GRID1: variants seen among roughly 807,000 people sequenced by gnomAD.
GRID1 encodes the protein glutamate receptor ionotropic, delta-1.
GRID1 carries 28 observed loss-of-function variants against 98.0 expected under a neutral mutation model. That is an observed-to-expected ratio of 0.29 (90% CI 0.21 to 0.39). The LOEUF (loss-of-function observed/expected upper bound fraction) is 0.39. Among genes scored for constraint, GRID1 ranks in the 10% least tolerant of loss-of-function variants. The pLI is 1.00. For missense variants in GRID1, 1,111 were observed against 1,340.5 expected, an observed-to-expected ratio of 0.83 and a Z score of 2.67; for synonymous variants, 553 against 538.5, an observed-to-expected ratio of 1.03 and a Z score of -0.37.
chr10:85,792,428 A>T (rs372140281), intron 8 of GRID1, among the ~76,000 whole-genome samples: 2 of 152,120 alleles, frequency 1.3e-5, no homozygotes, highest in African/African-American at 4.8e-5. Flanking sequence ...TTTTAAAATG[A>T]TTTTCACTCT....
intron 4 of GRID1, among the ~76,000 whole-genome samples, chr10:85,947,983 T>G (rs770982004): frequency 2.0e-5 from 3 of 152,228 alleles, no homozygotes; most frequent in African/African-American, 7.2e-5. Context: ...GGTATTGCTT[T>G]GCCAGGTTAA....
chr10:86,116,475 AG>A (rs1356988108), intron 4 of GRID1, among the ~76,000 whole-genome samples: 1 of 152,112 alleles, frequency 6.6e-6, no homozygotes, highest in East Asian at 1.9e-4. Flanking sequence ...AACAGCTGGA[AG>A]GATCAGGTGG....
At chr10:86,364,420 T>A (rs1848646696) in intron 1 of GRID1, among the ~76,000 whole-genome samples, 1 of 152,188 alleles carries the variant, frequency 6.6e-6, no homozygotes, top group Non-Finnish European at 1.5e-5. Flanking sequence ...CACAAGGGAC[T>A]AAGCCAAGCT....
At chr10:85,747,062 A>G (rs537929710) in intron 8 of GRID1, among the ~76,000 whole-genome samples, 2 of 152,278 alleles carry the variant, frequency 1.3e-5, no homozygotes, top group South Asian at 4.1e-4. Flanking sequence ...GAGTGTCACC[A>G]ACACTTTGTG....
chr10:85,651,080 C>A (rs1300793904), intron 12 of GRID1, among the ~76,000 whole-genome samples: 1 of 152,188 alleles, frequency 6.6e-6, no homozygotes, highest in Non-Finnish European at 1.5e-5. Flanking sequence ...TTTCCACAAC[C>A]CTCCAGGTGA....
At chr10:85,616,249 C>T (rs1842787077) in intron 14 of GRID1, among the ~76,000 whole-genome samples, 1 of 152,208 alleles carries the variant, frequency 6.6e-6, no homozygotes, top group South Asian at 2.1e-4. Flanking sequence ...CAAAGTGGTT[C>T]TTATTATGTC....
intron 8 of GRID1, among the ~76,000 whole-genome samples, chr10:85,843,674 G>T (rs890189474): frequency 1.3e-5 from 2 of 151,920 alleles, no homozygotes; most frequent in Admixed American, 6.6e-5. Flanking sequence ...TGGCAAATAG[G>T]CAAACATGCA....
intron 5 of GRID1, among the ~76,000 whole-genome samples, chr10:85,885,555 T>A (rs1271016978): frequency 3.9e-5 from 6 of 152,198 alleles, no homozygotes; most frequent in Non-Finnish European, 8.8e-5. Flanking sequence ...ACAATAAAAA[T>A]GATGATAATA....
At chr10:86,245,110 T>C (rs979563987) in intron 2 of GRID1, among the ~76,000 whole-genome samples, 2 of 152,242 alleles carry the variant, frequency 1.3e-5, no homozygotes, top group Non-Finnish European at 2.9e-5. Context: ...ACTAAGAACC[T>C]GGCCTGGTAC....
rs1023982305 is a variant in GRID1 at position 86,169,204 on chromosome 10, T to A, written c.521-30180A>T. ...GGGCCACAGTGGCCTCTGGAAACAC[T>A]GCCCTGAGATAGATAGGTGCCTTCC... On this transcript the variant is annotated intron_variant, in intron 3 of 15. Transcript: ENST00000327946. Among the ~76,000 whole-genome samples the A allele has an allele frequency of 2.6e-5, 4 of 152,190 alleles. No individual in the cohort carries two copies. The South Asian group carries it at 8.3e-4, about 31-fold the overall frequency.
intron 3 of GRID1, among the ~76,000 whole-genome samples, chr10:86,146,752 G>A (rs1193172773): frequency 6.6e-6 from 1 of 152,228 alleles, no homozygotes; most frequent in East Asian, 1.9e-4. Flanking sequence ...TCCTGGAGGA[G>A]CTCTGGGTCC....
intron 2 of GRID1, among the ~76,000 whole-genome samples, chr10:86,262,805 T>A (rs193064392): frequency 6.6e-6 from 1 of 152,276 alleles, no homozygotes; most frequent in East Asian, 1.9e-4. Flanking sequence ...GACTTCTGCG[T>A]TGTCCACACA....
intron 15 of GRID1, 45 bp from the exon 16 acceptor site, chr10:85,602,746 G>A (rs772197655): frequency 6.9e-6 from 10 of 1,445,516 alleles, no homozygotes; most frequent in Non-Finnish European, 9.5e-6. Context: ...CTAACAGTGA[G>A]TCAAGGCTGG....
In GRID1 at chr10:85,881,978, C is replaced by A. The variant is rs905086525; in HGVS notation, c.781-12798G>T. ...AGTGGGCAAAGGATATGAACAGACA[C>A]TTCTCAAAAGAAGACATTTATGCAG... is the stretch of plus-strand genomic sequence containing the variant. On this transcript the variant is annotated intron_variant, in intron 5 of 15. Transcript: ENST00000327946. 3.2e-4 allele frequency among the ~76,000 whole-genome samples: 48 copies of A among 152,134 alleles called. 2 individuals are homozygous for A. The highest frequency in any genetic ancestry group is 1.5e-5 in the Non-Finnish European group (1 of 68,024).
intron 13 of GRID1, among the ~76,000 whole-genome samples, chr10:85,636,163 C>T (rs150732292): frequency 6.6e-6 from 1 of 152,254 alleles, no homozygotes; most frequent in East Asian, 1.9e-4. Context: ...CATAAGGCCC[C>T]AGTGGAGGAA....
chr10:86,060,986 C>T (rs1185057037), intron 4 of GRID1, among the ~76,000 whole-genome samples: 1 of 152,130 alleles, frequency 6.6e-6, no homozygotes, highest in African/African-American at 2.4e-5. Context: ...GCCTCCACCC[C>T]GCAGGACTCC....
chr10:85,921,895 T>C (rs1375315032), intron 4 of GRID1, among the ~76,000 whole-genome samples: 2 of 152,206 alleles, frequency 1.3e-5, no homozygotes, highest in South Asian at 2.1e-4. Flanking sequence ...GATACTTCAA[T>C]ACAACATCTC....
chr10:85,899,360 C>T (rs1841345644), intron 5 of GRID1, among the ~76,000 whole-genome samples: 3 of 152,124 alleles, frequency 2.0e-5, no homozygotes, highest in South Asian at 2.1e-4. Context: ...TTGTGAATAG[C>T]GCTGCAATCC....
At chr10:85,879,060 A>G (rs1242375151) in intron 5 of GRID1, among the ~76,000 whole-genome samples, 1 of 152,092 alleles carries the variant, frequency 6.6e-6, no homozygotes, top group Non-Finnish European at 1.5e-5. Context: ...CAATTCAACA[A>G]GAAGAGCTAA....
Sources: gnomAD v4.1 joint callset for allele counts (sites outside exome capture counted in the v4.1 genomes callset) on GRCh38, gnomAD v4.1.1 for gene constraint, MANE v1.5 for transcripts, NCBI Gene and HGNC (gene_info 2026-07-23, HGNC 2026-07-21) for gene names.